DAB1: variants seen among roughly 807,000 people sequenced by gnomAD.
DAB1 encodes DAB adaptor protein 1.
Under a neutral mutation model 64.6 loss-of-function variants are expected in DAB1, and 15 were observed. The observed-to-expected ratio is 0.23, with a 90% CI of 0.16 to 0.36. The LOEUF (loss-of-function observed/expected upper bound fraction) is 0.36, where lower values mean the gene tolerates loss of function less well. Ranked by LOEUF, DAB1 falls within the 10% of genes least tolerant of loss-of-function variation. The pLI, the probability that DAB1 is intolerant of heterozygous loss-of-function variation, is 1.00. For missense variants in DAB1, 596 were observed against 706.7 expected (o/e 0.84, Z 1.78); for synonymous variants, 235 against 251.9 (o/e 0.93, Z 0.64).
At chr1:57,251,689 C>G (rs532833426) in intron 2 of DAB1, among the ~76,000 whole-genome samples, 110 of 152,294 alleles carry the variant, frequency 7.2e-4, no homozygotes, top group African/African-American at 2.5e-3. Flanking sequence ...AAAAAATCTT[C>G]CCTTTTAACT....
At chr1:57,031,126 G>A (rs562037619) in intron 9 of DAB1, among the ~76,000 whole-genome samples, 41 of 152,214 alleles carry the variant, frequency 2.7e-4, no homozygotes, top group African/African-American at 8.9e-4. Context: ...AGGATTAAAC[G>A]AGAAAAACAT....
At chr1:58,456,324 A>G (rs533988709) in intron 3 of DAB1, among the ~76,000 whole-genome samples, 1 of 151,964 alleles carries the variant, frequency 6.6e-6, no homozygotes, top group Non-Finnish European at 1.5e-5. Flanking sequence ...TTGTCTGGCT[A>G]CAGAGTCTAC....
In DAB1 at chr1:57,270,383, A is replaced by G. The variant is rs189406486; in HGVS notation, c.67+20581T>C. 1.4e-4 allele frequency among the ~76,000 whole-genome samples: 22 copies of G among 152,304 alleles called. 1 individual carries two copies. In the East Asian group the frequency reaches 4.1e-3, roughly 28 times the overall value. On this transcript the variant is annotated intron_variant, in intron 2 of 14. Coordinates refer to ENST00000371236, the MANE Select transcript of DAB1 (RefSeq NM_001365792.1). ...ACAATTTATTTAAAGTTACTCCATT[A>G]ATTAAAAAGTTGCTAAGAATACCTA...
chr1:57,773,374 C>CAG (rs1649651135), intron 6 of DAB1, among the ~76,000 whole-genome samples: 1 of 151,422 alleles, frequency 6.6e-6, no homozygotes, highest in Admixed American at 6.6e-5. Flanking sequence ...CACACACACA[C>CAG]AGACACGTAC....
chr1:58,302,149 G>A (rs1483921306), intron 4 of DAB1, among the ~76,000 whole-genome samples: 1 of 152,070 alleles, frequency 6.6e-6, no homozygotes, highest in African/African-American at 2.4e-5. Flanking sequence ...CCTTTGATGA[G>A]TACAGGTGAC....
At chr1:58,122,707 A>G (rs1652824789) in intron 5 of DAB1, among the ~76,000 whole-genome samples, 1 of 152,208 alleles carries the variant, frequency 6.6e-6, no homozygotes, top group South Asian at 2.1e-4. Context: ...TGATCTTGAA[A>G]AAGTCACATA....
chr1:57,791,780 G>A (rs918974736), intron 6 of DAB1, among the ~76,000 whole-genome samples: 6 of 152,156 alleles, frequency 3.9e-5, no homozygotes, highest in African/African-American at 1.4e-4. Context: ...ACAGTCCAGA[G>A]ATGCTGAGAT....
intron 5 of DAB1, among the ~76,000 whole-genome samples, chr1:58,096,576 T>C (rs1471100754): frequency 6.6e-6 from 1 of 152,244 alleles, no homozygotes; most frequent in African/African-American, 2.4e-5. Context: ...ATTGCCTGTA[T>C]TTAACGAATG....
intron 6 of DAB1, among the ~76,000 whole-genome samples, chr1:57,684,519 C>T (rs948626128): frequency 1.3e-5 from 2 of 152,074 alleles, no homozygotes; most frequent in Non-Finnish European, 2.9e-5. Flanking sequence ...TCATATCCCA[C>T]CAAACTAAGC....
At chr1:58,459,699 C>T (rs544982825) in intron 3 of DAB1, among the ~76,000 whole-genome samples, 17 of 152,170 alleles carry the variant, frequency 1.1e-4, no homozygotes, top group Non-Finnish European at 1.3e-4. Flanking sequence ...GTCACAGGGC[C>T]GGGTATGGTG....
intron 7 of DAB1, among the ~76,000 whole-genome samples, chr1:57,522,463 G>T (rs1007007495): frequency 5.3e-5 from 8 of 152,252 alleles, no homozygotes; most frequent in Admixed American, 5.2e-4. Context: ...GTATTAGTTT[G>T]TTCTCACACT....
chr1:57,828,188 G>A (rs1215025775), intron 1 of DAB1, among the ~76,000 whole-genome samples: 2 of 151,890 alleles, frequency 1.3e-5, no homozygotes, highest in Non-Finnish European at 2.9e-5. Context: ...CTTGTGATCC[G>A]CCCGCCTCCG....
rs150422147 is a variant in DAB1, at chr1:57,873,442, C to T, written n.87+10557G>A. Reference sequence around the variant, plus strand: ...TGAATGAATAAGCTATAATCACTATCTTTTGATGTTTGCTGAATGAACCAA... The same window carrying T: ...TGAATGAATAAGCTATAATCACTATTTTTTGATGTTTGCTGAATGAACCAA... On this transcript the variant is annotated intron_variant and non_coding_transcript_variant, in intron 1 of 1. Transcript: ENST00000477280. Among the ~76,000 whole-genome samples, 153 of 152,218 alleles carry T rather than the reference C, an allele frequency of 1.0e-3. 1 individual carries two copies. The East Asian group carries it at 0.019, about 19-fold the overall frequency.
chr1:57,167,061 G>C (rs1661271882), intron 2 of DAB1, among the ~76,000 whole-genome samples: 1 of 152,146 alleles, frequency 6.6e-6, no homozygotes, highest in Admixed American at 6.5e-5. Flanking sequence ...AGTCATAACT[G>C]CATTACAGAG....
At chr1:57,058,698 A>C (rs1437709830) in intron 9 of DAB1, among the ~76,000 whole-genome samples, 1 of 152,182 alleles carries the variant, frequency 6.6e-6, no homozygotes, top group Admixed American at 6.5e-5. Context: ...TTTTCACATC[A>C]CCATTACATA....
intron 1 of DAB1, among the ~76,000 whole-genome samples, chr1:58,531,563 TATGA>T (rs761132425): frequency 3.9e-5 from 6 of 152,200 alleles, no homozygotes; most frequent in Non-Finnish European, 5.9e-5. Flanking sequence ...TACTTGAATG[TATGA>T]AAAATGACTG....
chr1:57,006,954 C>A (rs796659188), intron 14 of DAB1, among the ~76,000 whole-genome samples: 8 of 152,184 alleles, frequency 5.3e-5, no homozygotes, highest in African/African-American at 1.9e-4. Flanking sequence ...GAAATCAGAC[C>A]TAAGGCCCCT....
chr1:58,299,663 T>C (rs6680413), intron 4 of DAB1, among the ~76,000 whole-genome samples: 98,762 of 152,122 alleles, frequency 0.65, 33,607 homozygotes, highest in East Asian at 0.85. Flanking sequence ...CCCACACCCA[T>C]GCACCTTAAA....
chr1:57,935,711 T>C (rs1044964297), intron 5 of DAB1, among the ~76,000 whole-genome samples: 2 of 151,674 alleles, frequency 1.3e-5, no homozygotes, highest in Non-Finnish European at 1.5e-5. Context: ...GGAATCACCA[T>C]CAGGAAATAA....
Sources: allele counts gnomAD v4.1 joint callset (sites outside exome capture counted in the v4.1 genomes callset), GRCh38; gene constraint gnomAD v4.1.1; transcripts MANE v1.5; gene names NCBI Gene and HGNC (gene_info 2026-07-23, HGNC 2026-07-21).